The following KMT2E variants were observed in gnomAD, a reference collection of about 807,000 sequenced individuals.
KMT2E encodes lysine methyltransferase 2E (inactive).
A neutral mutation model predicts 184.6 loss-of-function variants in KMT2E; 30 were observed. That is an observed-to-expected ratio of 0.16 (90% CI 0.12 to 0.22). The LOEUF (loss-of-function observed/expected upper bound fraction) is 0.22, where lower values mean the gene tolerates loss of function less well. Ranked by LOEUF, KMT2E falls within the 10% of genes least tolerant of loss-of-function variation. The probability of loss-of-function intolerance (pLI) is 1.00; values close to 1 mark genes in which losing one functional copy is unlikely to be tolerated. For missense variants in KMT2E, 2,023 were observed against 2,237.4 expected, an observed-to-expected ratio of 0.90 and a Z score of 1.93; for synonymous variants, 815 against 776.5, an observed-to-expected ratio of 1.05 and a Z score of -0.82.
intron 6 of KMT2E, among the ~76,000 whole-genome samples, chr7:105,071,922 A>G (rs918540693): frequency 3.3e-5 from 5 of 149,922 alleles, no homozygotes; most frequent in Non-Finnish European, 7.4e-5. Context: ...AGGTGTCTCT[A>G]TGTGGTTTTG....
chr7:105,106,121 A>G, intron 19 of KMT2E, 118 bp downstream of exon 19: 1 of 1,043,112 alleles, frequency 9.6e-7, no homozygotes, highest in Admixed American at 2.6e-5. Context: ...ACATTGGTGT[A>G]TAGATTTTCT....
At chr7:105,020,398 C>T (rs1226011396) in intron 1 of KMT2E, among the ~76,000 whole-genome samples, 1 of 152,006 alleles carries the variant, frequency 6.6e-6, no homozygotes, top group Non-Finnish European at 1.5e-5. Flanking sequence ...CAAGACCAGC[C>T]TGGCCAACAT....
chr7:105,025,863 T>G (rs1795155944), intron 1 of KMT2E, among the ~76,000 whole-genome samples: 1 of 152,148 alleles, frequency 6.6e-6, no homozygotes, highest in Non-Finnish European at 1.5e-5. Context: ...ACTAAAAGAT[T>G]ACAGGGAAAA....
chr7:105,074,747 T>A lies in KMT2E; in HGVS notation c.661T>A (p.Ser221Thr). The A allele has an allele frequency of 6.2e-7, 1 of 1,610,834 alleles. No homozygotes were observed. The stretch of plus-strand genomic sequence containing the variant: ...AATTACTTTAACTGCTTCAAGAGTT[T>A]CCAAAGTTAATGATAAAAGAAGGAA... ...TSITLTASRV[S>T]KVNDKRRKKS... The change falls in exon 8 of 27, where the codon TCC (serine) becomes ACC (threonine). Residue 221 changes from serine to threonine, a missense_variant. Ser to Thr is a moderately conservative substitution (Grantham distance 58). Around this residue, in one of 8 missense-constraint regions of KMT2E, gnomAD observed 191 missense variants for 209.0 expected, o/e 0.91. Coordinates refer to ENST00000311117, the MANE Select transcript of KMT2E (RefSeq NM_182931.3).
chr7:105,093,271 TCA>T (rs1798280064), intron 15 of KMT2E, among the ~76,000 whole-genome samples: 1 of 152,182 alleles, frequency 6.6e-6, no homozygotes, highest in Non-Finnish European at 1.5e-5. Context: ...GTAATTTTAT[TCA>T]GATTGAATTC....
At chr7:105,072,189 G>A (rs1306816498) in intron 6 of KMT2E, among the ~76,000 whole-genome samples, 1 of 151,872 alleles carries the variant, frequency 6.6e-6, no homozygotes, top group Non-Finnish European at 1.5e-5. Context: ...GTGGTGGCGG[G>A]CGCCTGTCGT....
chr7:105,101,688 T>A, intron 16 of KMT2E, 99 bp downstream of exon 16: 1 of 1,109,506 alleles, frequency 9.0e-7, no homozygotes, highest in Non-Finnish European at 1.2e-6. Context: ...TAATGTCTAT[T>A]AGCTTTTTAA....
At chr7:105,023,891 C>G (rs1196392813) in intron 1 of KMT2E, among the ~76,000 whole-genome samples, 1 of 152,120 alleles carries the variant, frequency 6.6e-6, no homozygotes, top group Non-Finnish European at 1.5e-5. Context: ...CATGAAACAT[C>G]TGTAATTCTA....
chr7:105,095,796 G>A (rs533701942), intron 15 of KMT2E, among the ~76,000 whole-genome samples: 47 of 152,244 alleles, frequency 3.1e-4, no homozygotes, highest in Admixed American at 1.6e-3. Flanking sequence ...AAAAACCAGG[G>A]CACTACTGAG....
chr7:105,084,920 CTG>C (rs754662960), intron 13 of KMT2E, among the ~76,000 whole-genome samples: 62 of 152,116 alleles, frequency 4.1e-4, no homozygotes, highest in Non-Finnish European at 8.4e-4. Context: ...CATGTAAGGT[CTG>C]TATGTGTGTG....
At chr7:105,100,276 C>A (rs1310516292) in intron 15 of KMT2E, among the ~76,000 whole-genome samples, 2 of 152,068 alleles carry the variant, frequency 1.3e-5, no homozygotes, top group Admixed American at 1.3e-4. Context: ...ACAACAACAA[C>A]AAAAATACAG....
chr7:105,075,943 A>T, intron 8 of KMT2E, 100 bp from the exon 9 acceptor site: 1 of 882,518 alleles, frequency 1.1e-6, no homozygotes, highest in Non-Finnish European at 1.8e-6. Flanking sequence ...ATTTTTTGTT[A>T]TGACACTTCA....
chr7:105,073,017 A>G (rs916244183), intron 6 of KMT2E, among the ~76,000 whole-genome samples: 3 of 148,376 alleles, frequency 2.0e-5, no homozygotes, highest in Non-Finnish European at 4.4e-5. Context: ...AAGAAATTTA[A>G]TTTATGATTT....
intron 5 of KMT2E, 90 bp from the exon 6 acceptor site, chr7:105,066,637 C>G: frequency 1.0e-6 from 1 of 988,264 alleles, no homozygotes; most frequent in East Asian, 2.5e-5. Flanking sequence ...AAAGTAGGTG[C>G]TTATTAAATG....
chr7:105,063,152 A>T (rs1023954903), intron 4 of KMT2E, among the ~76,000 whole-genome samples, 199 bp from the exon 5 acceptor site: 6 of 152,020 alleles, frequency 3.9e-5, no homozygotes, highest in African/African-American at 1.4e-4. Flanking sequence ...CCCACTTTGT[A>T]GATAGATATA....
intron 1 of KMT2E, among the ~76,000 whole-genome samples, chr7:105,023,043 CA>C (rs112667713): frequency 6.6e-6 from 1 of 152,104 alleles, no homozygotes; most frequent in African/African-American, 2.4e-5. Context: ...AAATCCAGAA[CA>C]CACACACAAA....
At chr7:105,034,805 A>T (rs1044830786) in intron 1 of KMT2E, among the ~76,000 whole-genome samples, 5 of 136,192 alleles carry the variant, frequency 3.7e-5, no homozygotes, top group African/African-American at 1.4e-4. Flanking sequence ...TAAGAATGTT[A>T]TATAAATGGA....
intron 1 of KMT2E, among the ~76,000 whole-genome samples, chr7:105,028,495 C>T (rs537538113): frequency 6.6e-6 from 1 of 150,420 alleles, no homozygotes; most frequent in African/African-American, 2.4e-5. Flanking sequence ...TTTCTTTTTC[C>T]TCTTTCTTGC....
At chr7:105,020,453 C>T (rs1018738201) in intron 1 of KMT2E, among the ~76,000 whole-genome samples, 6 of 151,984 alleles carry the variant, frequency 3.9e-5, no homozygotes, top group Non-Finnish European at 5.9e-5. Flanking sequence ...GGCTTGGTGG[C>T]GGGTGCCTGT....
Sources: allele counts gnomAD v4.1 joint callset (sites outside exome capture counted in the v4.1 genomes callset), GRCh38; gene constraint gnomAD v4.1.1; regional missense constraint gnomAD v4.1.1; transcripts MANE v1.5; gene names NCBI Gene and HGNC (gene_info 2026-07-23, HGNC 2026-07-21).